The following CACNA2D3 variants were observed in gnomAD, a reference collection of about 807,000 sequenced individuals.
CACNA2D3 encodes the protein calcium voltage-gated channel auxiliary subunit alpha2delta 3.
CACNA2D3 carries 60 observed loss-of-function variants against 160.6 expected under a neutral mutation model. That is an observed-to-expected ratio of 0.37 (90% CI 0.30 to 0.46). The LOEUF is 0.46. Ranked by LOEUF, CACNA2D3 falls within the 20% of genes least tolerant of loss-of-function variation. The probability of loss-of-function intolerance (pLI) is 1.00; values close to 1 mark genes in which losing one functional copy is unlikely to be tolerated. For synonymous variants in CACNA2D3, 558 were observed against 492.9 expected, an observed-to-expected ratio of 1.13 and a Z score of -1.75; for missense variants, 1,205 against 1,365.0, an observed-to-expected ratio of 0.88 and a Z score of 1.85.
At chr3:54,568,130 T>C (rs1702438306) in intron 6 of CACNA2D3, among the ~76,000 whole-genome samples, 1 of 152,226 alleles carries the variant, frequency 6.6e-6, no homozygotes, top group Admixed American at 6.5e-5. Context: ...CCCTACTGTT[T>C]CTTTTCACAA....
chr3:54,250,084 C>A (rs1702158066), intron 2 of CACNA2D3, among the ~76,000 whole-genome samples: 2 of 152,184 alleles, frequency 1.3e-5, no homozygotes, highest in African/African-American at 4.8e-5. Context: ...CTGTGATCAA[C>A]TAGCCCATTT....
At chr3:54,737,725 C>T (rs1319289229) in intron 11 of CACNA2D3, among the ~76,000 whole-genome samples, 16 of 152,206 alleles carry the variant, frequency 1.1e-4, no homozygotes, top group Middle Eastern at 3.4e-3. Context: ...AGTGCAGTGG[C>T]GAAATGTCAG....
intron 4 of CACNA2D3, among the ~76,000 whole-genome samples, chr3:54,475,052 G>A (rs1700804815): frequency 6.6e-6 from 1 of 152,178 alleles, no homozygotes; most frequent in African/African-American, 2.4e-5. Flanking sequence ...ACTCTTGGGA[G>A]AACTGAAATC....
intron 35 of CACNA2D3, among the ~76,000 whole-genome samples, chr3:55,038,461 A>G (rs879881623): frequency 6.6e-6 from 1 of 152,170 alleles, no homozygotes; most frequent in African/African-American, 2.4e-5. Context: ...ATCAAATGCT[A>G]TAGATGCACA....
chr3:54,513,069 C>G (rs1000391781), intron 5 of CACNA2D3, among the ~76,000 whole-genome samples: 2 of 152,232 alleles, frequency 1.3e-5, no homozygotes, highest in Admixed American at 6.5e-5. Flanking sequence ...TTCCTCCCCC[C>G]AGGTCCCTCC....
intron 9 of CACNA2D3, among the ~76,000 whole-genome samples, chr3:54,621,086 G>A (rs971484822): frequency 5.3e-5 from 8 of 152,104 alleles, no homozygotes; most frequent in African/African-American, 1.9e-4. Flanking sequence ...ATTGATAGAT[G>A]GCTATTAGCC....
intron 2 of CACNA2D3, among the ~76,000 whole-genome samples, chr3:54,266,540 A>G (rs1702520304): frequency 6.6e-6 from 1 of 152,140 alleles, no homozygotes; most frequent in Non-Finnish European, 1.5e-5. Flanking sequence ...TTAGGAACGC[A>G]AGCCCTGACC....
At chr3:54,731,919 A>G (rs1188177838) in intron 11 of CACNA2D3, among the ~76,000 whole-genome samples, 1 of 152,104 alleles carries the variant, frequency 6.6e-6, no homozygotes, top group Admixed American at 6.5e-5. Flanking sequence ...CTGACTTTGT[A>G]TTGGGTTCCT....
At chr3:55,063,145 A>C (rs1704553191) in intron 35 of CACNA2D3, among the ~76,000 whole-genome samples, 1 of 152,186 alleles carries the variant, frequency 6.6e-6, no homozygotes, top group Non-Finnish European at 1.5e-5. Context: ...GGTTCTCCAA[A>C]GGTATGGGAG....
intron 2 of CACNA2D3, among the ~76,000 whole-genome samples, chr3:54,306,053 T>A (rs1161224720): frequency 6.6e-6 from 1 of 151,094 alleles, no homozygotes; most frequent in Admixed American, 6.6e-5. Context: ...TTTTGAAAAC[T>A]GAGTTTTAAT....
In CACNA2D3 at chr3:54,887,839, A is replaced by T. The variant is rs1699961439; in HGVS notation, c.2057-120A>T. ...TTTTCAACTAGTGGGAACTTAACTC[A>T]TAAAGCAACATGCCGCATGAGAAAG... is the stretch of plus-strand genomic sequence containing the variant. On this transcript the variant is annotated intron_variant, in intron 23 of 37. Transcript: ENST00000474759. The T allele has an allele frequency of 8.1e-6, 6 of 745,334 alleles. No individual in the cohort carries two copies. In the East Asian group the frequency reaches 1.5e-4, roughly 19 times the overall value. 46.2% of individuals were successfully genotyped at this position (745,334 alleles called of 1,614,324 possible).
chr3:54,662,789 G>A (rs1699995852), intron 11 of CACNA2D3, among the ~76,000 whole-genome samples: 1 of 152,226 alleles, frequency 6.6e-6, no homozygotes, highest in Non-Finnish European at 1.5e-5. Context: ...TCTTCTCAGT[G>A]TTAATGTGGA....
intron 2 of CACNA2D3, among the ~76,000 whole-genome samples, chr3:54,184,052 C>T (rs150694493): frequency 1.3e-5 from 2 of 152,124 alleles, no homozygotes; most frequent in African/African-American, 4.8e-5. Flanking sequence ...CAATGAGACA[C>T]AGCTGTCCCA....
At chr3:54,403,069 G>A (rs13075421) in intron 4 of CACNA2D3, among the ~76,000 whole-genome samples, 16,884 of 152,066 alleles carry the variant, frequency 0.11, 1,123 homozygotes, top group African/African-American at 0.18. Flanking sequence ...AAATATCTTA[G>A]CAATATCTTG....
In CACNA2D3 at chr3:54,264,977, T is replaced by C. The variant is rs150259360; in HGVS notation, c.205-55465T>C. Among the ~76,000 whole-genome samples the C allele has an allele frequency of 9.9e-3, 1,501 of 152,338 alleles. 29 individuals carry two copies. Among genetic ancestry groups the C allele is most frequent in the African/African-American group, 0.035 (1,435 of 41,574 alleles). ...TATGTGCCACATTTTCTTTATCCAG[T>C]CTATCATTGATGGACATTTGGATTG... On this transcript the variant is annotated intron_variant, in intron 2 of 37. Transcript: ENST00000474759.
At chr3:54,452,462 G>A (rs1700323704) in intron 4 of CACNA2D3, among the ~76,000 whole-genome samples, 1 of 152,204 alleles carries the variant, frequency 6.6e-6, no homozygotes, top group Admixed American at 6.5e-5. Flanking sequence ...TCTGTAAGAT[G>A]ATAGTAGCTC....
intron 3 of CACNA2D3, among the ~76,000 whole-genome samples, chr3:54,330,920 T>C (rs572421732): frequency 4.7e-4 from 72 of 152,320 alleles, no homozygotes; most frequent in African/African-American, 1.7e-3. Context: ...GAATTAGGGT[T>C]GGCCTCTGAG....
intron 11 of CACNA2D3, among the ~76,000 whole-genome samples, chr3:54,701,167 C>T (rs1263539742): frequency 6.6e-6 from 1 of 152,200 alleles, no homozygotes; most frequent in African/African-American, 2.4e-5. Flanking sequence ...TACAAGTCAT[C>T]TCTAATCCTA....
Position 54,287,235 on chromosome 3 carries a change from A to C in CACNA2D3, c.205-33207A>C, listed in dbSNP as rs866768173. On this transcript the variant is annotated intron_variant, in intron 2 of 37. Transcript: ENST00000474759. ...TCAAAATAAAGGGACGGAGGAAGAT[A>C]TACCAAGCAAATGGAAAACAAAAAA... Among the ~76,000 whole-genome samples the C allele has an allele frequency of 2.3e-3, 355 of 152,270 alleles. 4 individuals carry two copies. Among genetic ancestry groups the C allele is most frequent in the African/African-American group, 7.6e-3 (317 of 41,566 alleles).
Sources: gnomAD v4.1 joint callset for allele counts (sites outside exome capture counted in the v4.1 genomes callset) on GRCh38, gnomAD v4.1.1 for gene constraint, MANE v1.5 for transcripts, NCBI Gene and HGNC (gene_info 2026-07-23, HGNC 2026-07-21) for gene names.